CDIN1: variants seen among roughly 807,000 people sequenced by gnomAD.
The protein encoded by CDIN1 is CDAN1 interacting nuclease 1, also known as CDAN1-interacting nuclease 1.
In CDIN1, 33 loss-of-function variants were observed where a neutral mutation model predicts 45.3. That is an observed-to-expected ratio of 0.73 (90% CI 0.55 to 0.97). CDIN1 has a LOEUF of 0.97. Ranked by LOEUF, CDIN1 falls within the 50% of genes least tolerant of loss-of-function variation. The pLI is 0.00. For synonymous variants in CDIN1, 118 were observed against 124.4 expected, an observed-to-expected ratio of 0.95 and a Z score of 0.34; for missense variants, 303 against 339.4, an observed-to-expected ratio of 0.89 and a Z score of 0.84.
intron 5 of CDIN1, among the ~76,000 whole-genome samples, chr15:36,683,385 T>C (rs1356400825): frequency 8.9e-6 from 1 of 112,676 alleles, no homozygotes; most frequent in African/African-American, 3.5e-5. Flanking sequence ...ATCAGATAGT[T>C]GTAGATATGC....
chr15:36,778,328 G>A (rs767915004), intron 10 of CDIN1, among the ~76,000 whole-genome samples: 6 of 152,032 alleles, frequency 3.9e-5, no homozygotes, highest in Non-Finnish European at 7.4e-5. Flanking sequence ...GAAAGTAGAG[G>A]GTCTGTGTTC....
At chr15:36,712,673 T>G (rs2043097029) in intron 10 of CDIN1, among the ~76,000 whole-genome samples, 1 of 152,176 alleles carries the variant, frequency 6.6e-6, no homozygotes, top group Non-Finnish European at 1.5e-5. Flanking sequence ...ATTGATATTC[T>G]TACTCAGCTT....
chr15:36,618,954 T>C, intron 1 of CDIN1: 4 of 1,552,492 alleles, frequency 2.6e-6, no homozygotes, highest in South Asian at 2.3e-5. Context: ...TAAGTTATGC[T>C]GAAGTGTGCC....
intron 10 of CDIN1, among the ~76,000 whole-genome samples, chr15:36,719,082 C>T (rs532544985): frequency 3.0e-4 from 45 of 151,718 alleles, no homozygotes; most frequent in African/African-American, 1.1e-3. Flanking sequence ...ATTAGCCAGG[C>T]ATGGTGGCAC....
chr15:36,717,020 G>C (rs974128973), intron 10 of CDIN1, among the ~76,000 whole-genome samples: 4 of 152,086 alleles, frequency 2.6e-5, no homozygotes, highest in African/African-American at 9.7e-5. Flanking sequence ...GTTGGAAGAG[G>C]CTACTTTGTC....
intron 1 of CDIN1, among the ~76,000 whole-genome samples, chr15:36,601,602 G>A (rs1045772937): frequency 1.3e-5 from 2 of 152,162 alleles, no homozygotes; most frequent in African/African-American, 2.4e-5. Flanking sequence ...GGAGCTCTTT[G>A]GTTTTCTCAG....
intron 1 of CDIN1, chr15:36,641,191 CTGG>C (rs1443563125): frequency 6.6e-6 from 1 of 152,154 alleles, no homozygotes; most frequent in Non-Finnish European, 1.5e-5. Flanking sequence ...ACACAGAAGC[CTGG>C]GAAGAGTTTT....
intron 5 of CDIN1, among the ~76,000 whole-genome samples, chr15:36,659,505 G>A (rs1410526122): frequency 6.6e-6 from 1 of 152,000 alleles, no homozygotes; most frequent in Admixed American, 6.6e-5. Context: ...TGTAAATATT[G>A]TATGCTTGAA....
chr15:36,701,268 T>C (rs992386876), intron 8 of CDIN1, among the ~76,000 whole-genome samples: 2 of 152,124 alleles, frequency 1.3e-5, no homozygotes, highest in African/African-American at 4.8e-5. Flanking sequence ...AATTGAACCA[T>C]AAGCATTGTG....
intron 10 of CDIN1, among the ~76,000 whole-genome samples, chr15:36,754,460 CT>C (rs973286404): frequency 2.4e-4 from 36 of 151,142 alleles, no homozygotes; most frequent in African/African-American, 8.5e-4. Flanking sequence ...GAAGTCAGGC[CT>C]AATCTTTTTA....
intron 10 of CDIN1, among the ~76,000 whole-genome samples, chr15:36,794,061 A>ATTTTTT (rs71126238): frequency 8.2e-5 from 10 of 121,298 alleles, no homozygotes; most frequent in Admixed American, 4.3e-4. Context: ...CATCATAACT[A>ATTTTTT]TTTTTTTTTT....
chr15:36,726,940 G>T (rs2043651506), intron 10 of CDIN1, among the ~76,000 whole-genome samples: 1 of 152,042 alleles, frequency 6.6e-6, no homozygotes, highest in African/African-American at 2.4e-5. Flanking sequence ...TTACCCAATT[G>T]TTTCTAATAT....
At chr15:36,681,799 T>C (rs1595463538) in intron 5 of CDIN1, among the ~76,000 whole-genome samples, 1 of 152,144 alleles carries the variant, frequency 6.6e-6, no homozygotes, top group Admixed American at 6.6e-5. Flanking sequence ...GTTTTATTAT[T>C]ATTCAAGAGT....
chr15:36,702,901 A>G (rs1046873756), intron 8 of CDIN1, among the ~76,000 whole-genome samples: 6 of 151,864 alleles, frequency 4.0e-5, no homozygotes, highest in African/African-American at 1.5e-4. Context: ...CTTTTGCCAC[A>G]TAACAAATCT....
chr15:36,597,374 A>G (rs1195702158), intron 1 of CDIN1, among the ~76,000 whole-genome samples: 1 of 151,866 alleles, frequency 6.6e-6, no homozygotes, highest in Non-Finnish European at 1.5e-5. Flanking sequence ...TTGATACACA[A>G]CCTCTCTACC....
chr15:36,770,112 C>CTG (rs775908204), intron 10 of CDIN1, among the ~76,000 whole-genome samples: 1 of 150,154 alleles, frequency 6.7e-6, no homozygotes, highest in African/African-American at 2.4e-5. Flanking sequence ...TTCTCCCTTT[C>CTG]TCTCTCTCTC....
chr15:36,783,946 A>G (rs1181508185), intron 10 of CDIN1, among the ~76,000 whole-genome samples: 3 of 152,220 alleles, frequency 2.0e-5, no homozygotes, highest in African/African-American at 7.2e-5. Context: ...TGTAATATAA[A>G]GCTCATTTAT....
chr15:36,584,074 A>G (rs1595702560), intron 1 of CDIN1, among the ~76,000 whole-genome samples: 1 of 152,292 alleles, frequency 6.6e-6, no homozygotes, highest in East Asian at 1.9e-4. Context: ...AAACATTGAA[A>G]TTAATGTGAG....
At chr15:36,690,456 G>A (rs1311851506) in intron 5 of CDIN1, among the ~76,000 whole-genome samples, 1 of 151,836 alleles carries the variant, frequency 6.6e-6, no homozygotes, top group Non-Finnish European at 1.5e-5. Context: ...TTTTAGTAGA[G>A]ACGGGGTTTC....
Sources: allele counts gnomAD v4.1 joint callset (sites outside exome capture counted in the v4.1 genomes callset), GRCh38; gene constraint gnomAD v4.1.1; transcripts MANE v1.5; gene names NCBI Gene and HGNC (gene_info 2026-07-23, HGNC 2026-07-21).